The following FCHSD2 variants were observed in gnomAD, a reference collection of about 807,000 sequenced individuals.
FCHSD2 encodes FCH and double SH3 domains 2.
A neutral mutation model predicts 108.1 loss-of-function variants in FCHSD2; 38 were observed. The observed-to-expected ratio is 0.35, with a 90% CI of 0.27 to 0.46. The LOEUF (loss-of-function observed/expected upper bound fraction) is 0.46. FCHSD2 is among the 20% of genes least tolerant of loss of function. The pLI, the probability that FCHSD2 is intolerant of heterozygous loss-of-function variation, is 1.00. For synonymous variants in FCHSD2, 279 were observed against 314.7 expected (o/e 0.89, Z 1.20); for missense variants, 751 against 897.8 (o/e 0.84, Z 2.09).
At chr11:73,124,756 A>C (rs982948657) in intron 2 of FCHSD2, among the ~76,000 whole-genome samples, 1 of 139,068 alleles carries the variant, frequency 7.2e-6, no homozygotes, top group Non-Finnish European at 1.6e-5. Flanking sequence ...ACTCTGTCTC[A>C]AAAAAAAAAA....
At chr11:73,028,843 C>A (rs890990958) in intron 3 of FCHSD2, among the ~76,000 whole-genome samples, 5 of 152,148 alleles carry the variant, frequency 3.3e-5, no homozygotes, top group African/African-American at 1.2e-4. Context: ...CCCTTTCGTT[C>A]TCTCCGTCTC....
intron 10 of FCHSD2, among the ~76,000 whole-genome samples, chr11:72,895,643 A>T (rs77403018): frequency 0.013 from 2,056 of 152,332 alleles, 46 homozygotes; most frequent in African/African-American, 0.045. Context: ...AGGTGACTAA[A>T]CCAGTAGAGG....
intron 3 of FCHSD2, among the ~76,000 whole-genome samples, chr11:73,069,733 A>C (rs953357535): frequency 6.6e-6 from 1 of 152,206 alleles, no homozygotes; most frequent in African/African-American, 2.4e-5. Flanking sequence ...TGAAGAAGCA[A>C]TATTTACAGA....
At chr11:73,109,592 G>GT (rs1465933082) in intron 2 of FCHSD2, among the ~76,000 whole-genome samples, 1 of 152,098 alleles carries the variant, frequency 6.6e-6, no homozygotes, top group African/African-American at 2.4e-5. Flanking sequence ...GAATTTAATG[G>GT]TTTTTTAGTG....
chr11:72,889,104 G>A (rs982555914), intron 11 of FCHSD2, among the ~76,000 whole-genome samples: 6 of 151,956 alleles, frequency 3.9e-5, no homozygotes, highest in Non-Finnish European at 5.9e-5. Context: ...ACAGGTGCCC[G>A]CCACCACACT....
At chr11:72,900,286 C>G in intron 10 of FCHSD2, 2 of 1,502,794 alleles carry the variant, frequency 1.3e-6, no homozygotes, top group South Asian at 2.4e-5. Context: ...AGAGCACTGA[C>G]AGGGGAGAGC....
At chr11:72,841,650 G>A in intron 17 of FCHSD2, 67 bp from the exon 18 acceptor site, 1 of 1,472,710 alleles carries the variant, frequency 6.8e-7, no homozygotes, top group Non-Finnish European at 9.1e-7. Flanking sequence ...CTGCTTCTCT[G>A]ACTGCTCTGT....
chr11:73,071,961 G>C (rs1859447770), intron 3 of FCHSD2, among the ~76,000 whole-genome samples: 1 of 152,070 alleles, frequency 6.6e-6, no homozygotes, highest in Non-Finnish European at 1.5e-5. Context: ...AACTGATATA[G>C]AGAGGTTAAG....
intron 12 of FCHSD2, among the ~76,000 whole-genome samples, chr11:72,873,902 C>G (rs957277366): frequency 5.3e-5 from 8 of 152,290 alleles, no homozygotes; most frequent in African/African-American, 1.7e-4. Context: ...TGCCAACTAC[C>G]TTCTAACTAG....
chr11:73,126,040 T>G (rs535216386), intron 2 of FCHSD2, among the ~76,000 whole-genome samples: 2 of 151,940 alleles, frequency 1.3e-5, no homozygotes, highest in Non-Finnish European at 2.9e-5. Context: ...TTTGCTTGTT[T>G]CAAGACAAAA....
At chr11:72,951,160 C>T (rs1045883214) in intron 8 of FCHSD2, among the ~76,000 whole-genome samples, 57 of 152,210 alleles carry the variant, frequency 3.7e-4, no homozygotes, top group African/African-American at 1.3e-3. Flanking sequence ...AAATAATTAA[C>T]ACCTATCTTT....
chr11:73,025,343 C>T (rs1392040866), intron 3 of FCHSD2, among the ~76,000 whole-genome samples: 4 of 152,130 alleles, frequency 2.6e-5, no homozygotes, highest in Non-Finnish European at 5.9e-5. Flanking sequence ...TCTGCAGGAA[C>T]ATGGATGGAG....
chr11:72,957,447 G>A (rs1856736029), intron 8 of FCHSD2, among the ~76,000 whole-genome samples: 1 of 150,608 alleles, frequency 6.6e-6, no homozygotes, highest in Non-Finnish European at 1.5e-5. Context: ...TGGACATTTG[G>A]GTTGGTTCCA....
At chr11:72,939,969 G>A (rs1419289022) in intron 8 of FCHSD2, among the ~76,000 whole-genome samples, 1 of 152,074 alleles carries the variant, frequency 6.6e-6, no homozygotes, top group African/African-American at 2.4e-5. Context: ...GTTTCTTCGA[G>A]AACATCTGTG....
chr11:73,043,320 G>A (rs1251737165), intron 3 of FCHSD2, among the ~76,000 whole-genome samples: 3 of 152,154 alleles, frequency 2.0e-5, no homozygotes, highest in African/African-American at 7.2e-5. Context: ...GTCAAGTAGT[G>A]AAGATAAATA....
At chr11:72,909,606 C>T (rs1443493052) in intron 9 of FCHSD2, among the ~76,000 whole-genome samples, 1 of 151,056 alleles carries the variant, frequency 6.6e-6, no homozygotes, top group Non-Finnish European at 1.5e-5. Flanking sequence ...CTCTGCCTGG[C>T]TGTCCATCAT....
chr11:72,990,389 C>T (rs2135405859), intron 5 of FCHSD2, among the ~76,000 whole-genome samples: 1 of 152,288 alleles, frequency 6.6e-6, no homozygotes, highest in South Asian at 2.1e-4. Context: ...CACCCCAAAT[C>T]AACAGAATAT....
chr11:72,995,590 A>C (rs190332287), intron 5 of FCHSD2, among the ~76,000 whole-genome samples: 1 of 151,872 alleles, frequency 6.6e-6, no homozygotes, highest in African/African-American at 2.4e-5. Context: ...TGTAGTCCCA[A>C]CTACTTGGGA....
chr11:73,017,145 G>T (rs1009082068), intron 3 of FCHSD2, among the ~76,000 whole-genome samples: 2 of 152,072 alleles, frequency 1.3e-5, no homozygotes, highest in Non-Finnish European at 2.9e-5. Context: ...ACTGAGCCCA[G>T]CTAACTTTTT....
Sources: allele counts gnomAD v4.1 joint callset (sites outside exome capture counted in the v4.1 genomes callset), GRCh38; gene constraint gnomAD v4.1.1; transcripts MANE v1.5; gene names NCBI Gene and HGNC (gene_info 2026-07-23, HGNC 2026-07-21).